Variants in UGT1A8 observed in about 807,000 individuals in gnomAD.
UGT1A8 encodes UDP glucuronosyltransferase family 1 member A8, also known as UDP-glucuronosyltransferase 1A8.
UGT1A8 carries 39 observed loss-of-function variants against 45.3 expected under a neutral mutation model. The ratio of observed to expected loss-of-function variants is 0.86; its 90% CI spans 0.67 to 1.12. The LOEUF is 1.12. Among genes scored for constraint, UGT1A8 ranks in the 50% most tolerant of loss-of-function variants. UGT1A8 has a pLI of 0.00. For synonymous variants in UGT1A8, 275 were observed against 249.2 expected, an observed-to-expected ratio of 1.10 and a Z score of -0.97; for missense variants, 719 against 664.9, an observed-to-expected ratio of 1.08 and a Z score of -0.90.
intron 1 of UGT1A8, among the ~76,000 whole-genome samples, chr2:233,632,215 C>G (rs950555180): frequency 5.3e-5 from 8 of 152,100 alleles, no homozygotes; most frequent in Non-Finnish European, 1.0e-4. Context: ...GGTACAAGTA[C>G]CATGCTGTTT....
chr2:233,624,539 A>C lies in UGT1A8; in HGVS notation c.855+5977A>C, dbSNP rs1207729823. ...AACTTGGCTGTTCATACATCTGTGC[A>C]TGTATTTCTAGACTTTGTATTCTGC... On this transcript the variant is annotated intron_variant, in intron 1 of 4. Transcript: ENST00000373450. Among the ~76,000 whole-genome samples, 4 of 152,234 alleles carry C rather than the reference A, an allele frequency of 2.6e-5. No homozygotes were observed. In the East Asian group the frequency reaches 7.7e-4, roughly 29 times the overall value.
intron 1 of UGT1A8, chr2:233,671,815 T>C (rs2074200092): frequency 1.4e-6 from 2 of 1,436,148 alleles, no homozygotes; most frequent in Non-Finnish European, 1.8e-6. Context: ...TGATTTTTTT[T>C]TTATGAAAGG....
In UGT1A8 at chr2:233,635,964, T is replaced by A. The variant is rs17864678; in HGVS notation, c.855+17402T>A. Among the ~76,000 whole-genome samples, 849 of 150,918 alleles carry A rather than the reference T, an allele frequency of 5.6e-3. 18 individuals carry two copies. Among genetic ancestry groups the A allele is most frequent in the Non-Finnish European group, 8.4e-3 (573 of 67,864 alleles). On this transcript the variant is annotated intron_variant, in intron 1 of 4. Transcript: ENST00000373450. ...CTCATTTTGGCATTTCAGAGGCCTC[T>A]CAGGGTTTGGATATGGAAGAAGACA...
At chr2:233,707,924 T>C (rs746217325) in intron 1 of UGT1A8, among the ~76,000 whole-genome samples, 1 of 152,236 alleles carries the variant, frequency 6.6e-6, no homozygotes, top group Non-Finnish European at 1.5e-5. Context: ...GGTTTTAAAA[T>C]ATACTTATCA....
At chr2:233,765,900 A>G (rs1255156851) in intron 1 of UGT1A8, among the ~76,000 whole-genome samples, 1 of 152,060 alleles carries the variant, frequency 6.6e-6, no homozygotes, top group Non-Finnish European at 1.5e-5. Flanking sequence ...GCCACTGCTC[A>G]AACCTCTAGG....
In UGT1A8 at chr2:233,772,670, A is replaced by T; in HGVS notation, c.*111A>T. 1 of 1,536,688 alleles carries T rather than the reference A, an allele frequency of 6.5e-7. No homozygotes were observed. Among genetic ancestry groups the T allele is most frequent in the Admixed American group, 2.0e-5 (1 of 50,138 alleles). ...TATTCTTATTAAGGAAATACTTTGC[A>T]TAAATTAATCAGCCCCAGAGTGCTT... On this transcript the variant is annotated 3_prime_UTR_variant, in exon 5 of 5. Transcript: ENST00000373450.
chr2:233,672,103 G>T, intron 1 of UGT1A8: 2 of 1,614,178 alleles, frequency 1.2e-6, no homozygotes, highest in Non-Finnish European at 1.7e-6. Flanking sequence ...TGAGGTGGTT[G>T]TAGTCATGCC....
At chr2:233,734,118 T>A (rs2078484158) in intron 1 of UGT1A8, among the ~76,000 whole-genome samples, 1 of 152,034 alleles carries the variant, frequency 6.6e-6, no homozygotes, top group Non-Finnish European at 1.5e-5. Context: ...ATAATAATAA[T>A]AATAAAAAGA....
chr2:233,678,821 A>G (rs1575423508), intron 1 of UGT1A8, among the ~76,000 whole-genome samples: 2 of 152,174 alleles, frequency 1.3e-5, no homozygotes, highest in East Asian at 3.9e-4. Flanking sequence ...CAAGAGTCAT[A>G]TTTTGAAATA....
chr2:233,704,177 C>T lies in UGT1A8; in HGVS notation c.856-62857C>T, dbSNP rs568272633. Among the ~76,000 whole-genome samples the T allele has an allele frequency of 4.6e-5, 7 of 151,930 alleles. No homozygotes were observed. In the South Asian group the frequency reaches 1.0e-3, roughly 23 times the overall value. ...AAGTACTGGGATTACAGGTGTGAGC[C>T]ACTGTGCCTGGCCCCATTTTACTTT... On this transcript the variant is annotated intron_variant, in intron 1 of 4. Transcript: ENST00000373450.
At chr2:233,711,213 G>A (rs1397680313) in intron 1 of UGT1A8, among the ~76,000 whole-genome samples, 2 of 152,238 alleles carry the variant, frequency 1.3e-5, no homozygotes, top group African/African-American at 4.8e-5. Flanking sequence ...TCTCCCCAGT[G>A]CTCCCATGTC....
At chr2:233,700,286 G>A (rs758279601) in intron 1 of UGT1A8, among the ~76,000 whole-genome samples, 17 of 152,194 alleles carry the variant, frequency 1.1e-4, no homozygotes, top group Admixed American at 7.9e-4. Flanking sequence ...TTTAAAATAC[G>A]TGACTTAGGC....
Position 233,768,459 on chromosome 2 carries a change from A to G in UGT1A8, c.1295+20A>G, listed in dbSNP as rs746261768. ...CAAAAGGTAAGAAAGAAGATACAGA[A>G]GAATACTTTGGTCATGGCATTCATG... On this transcript the variant is annotated intron_variant, in intron 4 of 4. Transcript: ENST00000373450. 1.1e-5 allele frequency: 17 copies of G among 1,609,762 alleles called. No homozygotes were observed. In the South Asian group the frequency reaches 1.9e-4, roughly 18 times the overall value.
chr2:233,656,737 G>A (rs575836211), intron 1 of UGT1A8, among the ~76,000 whole-genome samples: 8 of 152,218 alleles, frequency 5.3e-5, no homozygotes, highest in East Asian at 3.9e-4. Flanking sequence ...CTGTCCCGTC[G>A]TGGCTGTGAC....
rs143253080 is a variant in UGT1A8 at position 233,633,962 on chromosome 2, C to T, written c.855+15400C>T. 7.2e-3 allele frequency among the ~76,000 whole-genome samples: 1,099 copies of T among 152,274 alleles called. 11 individuals are homozygous for T. Among genetic ancestry groups the T allele is most frequent in the African/African-American group, 0.025 (1,037 of 41,554 alleles). ...TGGGCATTTAGTGCTATAAATTTCCCTCTGAACATAGATTTAGCTGTGTCC... is the reference window on the plus strand; with the variant it reads ...TGGGCATTTAGTGCTATAAATTTCCTTCTGAACATAGATTTAGCTGTGTCC... On this transcript the variant is annotated intron_variant, in intron 1 of 4. Coordinates refer to ENST00000373450, the MANE Select transcript of UGT1A8 (RefSeq NM_019076.5).
At position 233,767,045 on chromosome 2, in the gene UGT1A8, CT is replaced by C. The variant is rs756697968; in HGVS notation, c.868del (p.Tyr290ThrfsTer73). On this transcript the variant is annotated frameshift_variant, in exon 2 of 5. Coordinates refer to ENST00000373450, the MANE Select transcript of UGT1A8 (RefSeq NM_019076.5). LOFTEE classifies it high-confidence loss of function. The part of the protein sequence containing the change: ...GKPLPMEFEA[Y>X]INASGEHGIV... The stretch of plus-strand genomic sequence containing the variant: ...TCTTCTGGCTCTAGGAATTTGAAGC[CT>C]ACATTAATGCTTCTGGAGAACATGG... 7.4e-6 allele frequency: 12 copies of C among 1,613,888 alleles called. No homozygotes were observed. The highest frequency in any genetic ancestry group is 9.3e-6 in the Non-Finnish European group (11 of 1,179,996).
At chr2:233,718,929 G>C in intron 1 of UGT1A8, 1 of 1,614,160 alleles carries the variant, frequency 6.2e-7, no homozygotes, top group Non-Finnish European at 8.5e-7. Context: ...GGTGCCCACT[G>C]ATGGCAGCCC....
At chr2:233,705,031 G>T (rs10929285) in intron 1 of UGT1A8, among the ~76,000 whole-genome samples, 31,843 of 151,910 alleles carry the variant, frequency 0.21, 3,984 homozygotes, top group East Asian at 0.45. Flanking sequence ...AGCTACTCGG[G>T]AGGCTGAGGC....
intron 1 of UGT1A8, chr2:233,754,955 G>A (rs767638744): frequency 7.6e-6 from 10 of 1,314,252 alleles, no homozygotes; most frequent in South Asian, 1.1e-5. Context: ...GGTCCCGGCC[G>A]CCAAAGAACT....
Sources: gnomAD v4.1 joint callset for allele counts (sites outside exome capture counted in the v4.1 genomes callset) on GRCh38, gnomAD v4.1.1 for gene constraint, MANE v1.5 for transcripts, NCBI Gene and HGNC (gene_info 2026-07-23, HGNC 2026-07-21) for gene names.